Variants in PLA2G4E observed in about 807,000 individuals in gnomAD.
PLA2G4E encodes the protein cytosolic phospholipase A2 epsilon.
In PLA2G4E, 84 loss-of-function variants were observed where a neutral mutation model predicts 109.1. That is an observed-to-expected ratio of 0.77 (90% CI 0.65 to 0.92). The LOEUF (loss-of-function observed/expected upper bound fraction) is 0.92. Ranked by LOEUF, PLA2G4E falls within the 40% of genes least tolerant of loss-of-function variation. The pLI, the probability that PLA2G4E is intolerant of heterozygous loss-of-function variation, is 0.00. For synonymous variants in PLA2G4E, 469 were observed against 436.1 expected (o/e 1.08, Z -0.94); for missense variants, 1,057 against 1,076.6 (o/e 0.98, Z 0.25).
intron 1 of PLA2G4E, among the ~76,000 whole-genome samples, chr15:42,043,702 C>T (rs1259933268): frequency 1.3e-5 from 2 of 152,002 alleles, no homozygotes; most frequent in African/African-American, 4.8e-5. Context: ...TAGAGAGACC[C>T]GAGTGCGTAT....
chr15:42,010,052 C>T (rs371432494), intron 2 of PLA2G4E: 24 of 471,250 alleles, frequency 5.1e-5, no homozygotes, highest in Non-Finnish European at 1.0e-4. Context: ...CAGTGTGTCT[C>T]ATTGCTCTGC....
At chr15:42,016,825 A>G (rs1375246517) in intron 1 of PLA2G4E, among the ~76,000 whole-genome samples, 1 of 152,228 alleles carries the variant, frequency 6.6e-6, no homozygotes, top group Non-Finnish European at 1.5e-5. Context: ...TGAACATCTC[A>G]TGGTCAATAA....
chr15:42,002,287 A>AT (rs1555386330), intron 6 of PLA2G4E, among the ~76,000 whole-genome samples: 5,059 of 140,728 alleles, frequency 0.036, 404 homozygotes, highest in African/African-American at 0.13. Flanking sequence ...AAAAAAAAAA[A>AT]GGTAAACTGT....
intron 15 of PLA2G4E, among the ~76,000 whole-genome samples, chr15:41,988,645 G>A (rs972891946): frequency 3.9e-5 from 6 of 152,206 alleles, no homozygotes; most frequent in African/African-American, 9.7e-5. Context: ...TGGAGGCTTC[G>A]ACAGGTGAGG....
intron 1 of PLA2G4E, among the ~76,000 whole-genome samples, chr15:42,032,207 T>C (rs531609367): frequency 6.6e-6 from 1 of 152,344 alleles, no homozygotes; most frequent in Admixed American, 6.5e-5. Flanking sequence ...CTTTTCTTTG[T>C]AAATTACCTA....
At chr15:42,033,491 C>T (rs1473198454) in intron 1 of PLA2G4E, among the ~76,000 whole-genome samples, 1 of 146,556 alleles carries the variant, frequency 6.8e-6, no homozygotes, top group African/African-American at 2.5e-5. Flanking sequence ...AGCCTCTGCA[C>T]TCTGTCTGGT....
At chr15:42,014,413 C>T (rs1446410115) in intron 1 of PLA2G4E, among the ~76,000 whole-genome samples, 2 of 152,184 alleles carry the variant, frequency 1.3e-5, no homozygotes, top group Non-Finnish European at 2.9e-5. Context: ...GCAAGGGAGT[C>T]CTGAGGTGTT....
intron 4 of PLA2G4E, 128 bp from the exon 5 acceptor site, chr15:42,005,106 T>C: frequency 9.0e-7 from 1 of 1,114,480 alleles, no homozygotes; most frequent in South Asian, 1.3e-5. Context: ...CCTGCTGCCA[T>C]GGAGTGTGCT....
At chr15:42,015,676 G>A (rs1043931789) in intron 1 of PLA2G4E, among the ~76,000 whole-genome samples, 1 of 152,228 alleles carries the variant, frequency 6.6e-6, no homozygotes, top group Non-Finnish European at 1.5e-5. Context: ...CTTTGATGGG[G>A]AGAGCAGGTC....
At position 41,999,146 on chromosome 15, in the gene PLA2G4E, G is replaced by C. The variant is rs144792243; in HGVS notation, c.974+378C>G. 19 of 159,080 alleles carry C rather than the reference G, an allele frequency of 1.2e-4. No individual in the cohort carries two copies. The East Asian group carries it at 3.4e-3, about 29-fold the overall frequency. The allele number at this position is 159,080 out of a possible 1,614,324, so 9.9% of individuals were successfully genotyped here. A position where few individuals can be genotyped will look rare whatever the true frequency, so the allele number is the denominator to read the frequency against. ...CTTAGATATGACACCAAAAGCACAA[G>C]TGACAAGATAAAAAAACAAATTTCC... On this transcript the variant is annotated intron_variant, in intron 10 of 19. Coordinates refer to ENST00000399518, the Ensembl canonical transcript of PLA2G4E.
At chr15:42,007,896 A>G in intron 2 of PLA2G4E, 31 bp from the exon 3 acceptor site, 1 of 1,578,280 alleles carries the variant, frequency 6.3e-7, no homozygotes, top group East Asian at 2.3e-5. Context: ...GAACCAATCC[A>G]GGTTCAGAGA....
chr15:42,050,347 G>A (rs1366590678), intron 1 of PLA2G4E, among the ~76,000 whole-genome samples: 1 of 152,238 alleles, frequency 6.6e-6, no homozygotes, highest in Non-Finnish European at 1.5e-5. Context: ...CACAGAGGGA[G>A]GTAAGGACAG....
At chr15:42,021,710 A>C (rs1026716880) in intron 1 of PLA2G4E, among the ~76,000 whole-genome samples, 8 of 152,102 alleles carry the variant, frequency 5.3e-5, no homozygotes, top group African/African-American at 1.9e-4. Context: ...CGCCCAGATG[A>C]TTCCTATCTC....
At chr15:42,013,499 A>G (rs1050150844) in intron 2 of PLA2G4E, among the ~76,000 whole-genome samples, 186 bp downstream of exon 2, 1 of 152,204 alleles carries the variant, frequency 6.6e-6, no homozygotes, top group Non-Finnish European at 1.5e-5. Flanking sequence ...CAAAGTCTGA[A>G]CTACAACTTG....
At chr15:41,992,949 T>A in exon 13 of PLA2G4E, 1 of 1,611,788 alleles carries the variant, frequency 6.2e-7, no homozygotes, top group Non-Finnish European at 8.5e-7. Flanking sequence ...CGGTACAAGG[T>A]AGCCATGGTC....
chr15:41,984,428 C>G lies in PLA2G4E; in HGVS notation c.2386+8G>C. The G allele has an allele frequency of 1.2e-6, 2 of 1,607,402 alleles. No individual in the cohort carries two copies. Among genetic ancestry groups the G allele is most frequent in the Non-Finnish European group, 1.7e-6 (2 of 1,175,960 alleles). ...AGGTGCTGGGAACTGAGCACAGAGG[C>G]AGCTCACCTGGTGCCTTGTATTTTC... On this transcript the variant is annotated splice_region_variant and intron_variant, in intron 19 of 19. Transcript: ENST00000399518.
At chr15:42,034,562 A>G (rs576829379) in intron 1 of PLA2G4E, among the ~76,000 whole-genome samples, 18 of 152,320 alleles carry the variant, frequency 1.2e-4, no homozygotes, top group Non-Finnish European at 2.2e-4. Flanking sequence ...GTGGGCCCCA[A>G]CCAGTCTGGC....
intron 3 of PLA2G4E, among the ~76,000 whole-genome samples, chr15:42,006,517 C>A (rs995927016): frequency 2.6e-5 from 4 of 152,186 alleles, no homozygotes; most frequent in Non-Finnish European, 5.9e-5. Context: ...CTGAAGACAG[C>A]CCCTTTGGTG....
At chr15:42,036,940 C>T (rs755829600) in intron 1 of PLA2G4E, among the ~76,000 whole-genome samples, 6 of 152,246 alleles carry the variant, frequency 3.9e-5, no homozygotes, top group Admixed American at 1.3e-4. Context: ...GGCGCCCACT[C>T]CGATCTCAGA....
Sources: allele counts gnomAD v4.1 joint callset (sites outside exome capture counted in the v4.1 genomes callset), GRCh38; gene constraint gnomAD v4.1.1; transcripts MANE v1.5; gene names NCBI Gene and HGNC (gene_info 2026-07-23, HGNC 2026-07-21).